The following PDCD11 variants were observed in gnomAD, a reference collection of about 807,000 sequenced individuals.
PDCD11 encodes the protein programmed cell death 11.
A neutral mutation model predicts 198.9 loss-of-function variants in PDCD11; 97 were observed. The ratio of observed to expected loss-of-function variants is 0.49; its 90% CI spans 0.41 to 0.58. The LOEUF is 0.58. Among genes scored for constraint, PDCD11 ranks in the 20% least tolerant of loss-of-function variants. The pLI is 0.00. For synonymous variants in PDCD11, 893 were observed against 918.0 expected (o/e 0.97, Z 0.49); for missense variants, 2,102 against 2,312.7 (o/e 0.91, Z 1.87).
chr10:103,417,998 C>T (rs1346722878), intron 14 of PDCD11, 66 bp downstream of exon 14: 14 of 1,561,186 alleles, frequency 9.0e-6, no homozygotes, highest in East Asian at 2.2e-5. Context: ...ACCACTAACA[C>T]ATGGCATATT....
In PDCD11 at chr10:103,415,016, A is replaced by G; in HGVS notation, c.1383A>G (p.Leu461=). Residue 461 remains leucine (L), a synonymous_variant, in exon 12 of 36, where the codon CTA becomes CTG. Coordinates refer to ENST00000369797, the MANE Select transcript of PDCD11 (RefSeq NM_014976.2). ...TTTGGATTCTCTAGGGCACAGTGCT[A>G]ACCATAAAGTCATATGGGATGCTGG... ...EPGAVVKGTV[L]TIKSYGMLVK... 1 of 1,614,130 alleles carries G rather than the reference A, an allele frequency of 6.2e-7. No homozygotes were observed. Among genetic ancestry groups the G allele is most frequent in the East Asian group, 2.2e-5 (1 of 44,886 alleles).
intron 25 of PDCD11, among the ~76,000 whole-genome samples, chr10:103,437,447 A>G (rs2032197543): frequency 6.6e-6 from 1 of 152,104 alleles, no homozygotes; most frequent in Non-Finnish European, 1.5e-5. Flanking sequence ...CCTGGCCCCA[A>G]CACCCTTGTT....
intron 7 of PDCD11, among the ~76,000 whole-genome samples, chr10:103,408,175 T>G (rs2030575894): frequency 6.6e-6 from 1 of 152,202 alleles, no homozygotes; most frequent in Admixed American, 6.5e-5. Context: ...TTAAGTAAAC[T>G]ACTAGTTTCT....
At chr10:103,441,526 G>T (rs1374436308) in intron 30 of PDCD11, among the ~76,000 whole-genome samples, 1 of 152,136 alleles carries the variant, frequency 6.6e-6, no homozygotes, top group African/African-American at 2.4e-5. Flanking sequence ...AAGTGTTGGG[G>T]TTACAGGTGT....
chr10:103,423,107 G>C lies in PDCD11; in HGVS notation c.2617G>C (p.Val873Leu), dbSNP rs774012127. ...VFSGGPVPDL[V>L]LKASRYHRAG... ...CAGTGGGGGTCCAGTGCCCGACCTG[G>C]TCCTGAAAGCCAGCAGATACCATCG... Residue 873 changes from valine to leucine, a missense_variant, in exon 18 of 36, where the codon GTC (valine) becomes CTC (leucine). Coordinates refer to ENST00000369797, the MANE Select transcript of PDCD11 (RefSeq NM_014976.2). 1.9e-6 allele frequency: 3 copies of C among 1,593,944 alleles called. No individual in the cohort carries two copies. Among genetic ancestry groups the C allele is most frequent in the Non-Finnish European group, 2.6e-6 (3 of 1,170,818 alleles).
At chr10:103,413,888 C>T in intron 9 of PDCD11, 78 bp from the exon 10 acceptor site, 1 of 1,379,182 alleles carries the variant, frequency 7.3e-7, no homozygotes, top group Non-Finnish European at 9.8e-7. Context: ...AGTGTTGAGT[C>T]CTCTCTATGG....
At chr10:103,417,657 T>C in intron 13 of PDCD11, 135 bp from the exon 14 acceptor site, 1 of 909,246 alleles carries the variant, frequency 1.1e-6, no homozygotes, top group Non-Finnish European at 1.7e-6. Flanking sequence ...GCATTTCTTC[T>C]TTTCACTGCC....
At chr10:103,424,839 A>G in intron 19 of PDCD11, 145 bp from the exon 20 acceptor site, 1 of 766,176 alleles carries the variant, frequency 1.3e-6, no homozygotes, top group Non-Finnish European at 2.1e-6. Context: ...AGTGAAGGCT[A>G]GTCTGTTCCA....
At chr10:103,419,916 A>G (rs1162860875) in intron 16 of PDCD11, among the ~76,000 whole-genome samples, 1 of 148,826 alleles carries the variant, frequency 6.7e-6, no homozygotes, top group Admixed American at 6.7e-5. Flanking sequence ...CTGCCTTCCA[A>G]GTAGCTGGGA....
intron 26 of PDCD11, 23 bp downstream of exon 26, chr10:103,438,094 AAAG>A: frequency 3.1e-6 from 5 of 1,609,400 alleles, no homozygotes; most frequent in Non-Finnish European, 3.4e-6. Flanking sequence ...GTTGTTGGAA[AAAG>A]AAAGGAGGAA....
At chr10:103,416,466 A>G in intron 12 of PDCD11, 25 bp from the exon 13 acceptor site, 17 of 1,611,918 alleles carry the variant, frequency 1.1e-5, no homozygotes, top group Non-Finnish European at 1.4e-5. Context: ...AGATAACTTG[A>G]TGACAGCCTG....
intron 22 of PDCD11, 30 bp downstream of exon 22, chr10:103,432,264 T>A (rs1437138708): frequency 7.1e-7 from 1 of 1,417,846 alleles, no homozygotes; most frequent in South Asian, 1.1e-5. Context: ...GGCAATGAGA[T>A]GTCATTCTTC....
intron 30 of PDCD11, among the ~76,000 whole-genome samples, chr10:103,441,406 C>T (rs1484734076): frequency 6.6e-6 from 1 of 152,128 alleles, no homozygotes; most frequent in Non-Finnish European, 1.5e-5. Flanking sequence ...TGCCGGTATG[C>T]ACCACCATGC....
At chr10:103,402,992 A>C in intron 3 of PDCD11, 126 bp from the exon 4 acceptor site, 1 of 885,398 alleles carries the variant, frequency 1.1e-6, no homozygotes, top group Non-Finnish European at 1.8e-6. Context: ...AAGTATTGGA[A>C]TTATAGGGCG....
At position 103,440,867 on chromosome 10, in the gene PDCD11, G is replaced by T. The variant is rs115545259; in HGVS notation, c.4557+17G>T. 2,743 of 1,565,470 alleles carry T rather than the reference G, an allele frequency of 1.8e-3. 38 individuals carry two copies. The African/African-American group carries it at 0.027, about 16-fold the overall frequency. On this transcript the variant is annotated intron_variant, in intron 30 of 35. Transcript: ENST00000369797. Reference sequence around the variant, plus strand: ...CTGCCCAAGGTGAGGGTGACGTCGCGGGGAGGGGAAGGCTGCTCCAGGCAA... The same window carrying T: ...CTGCCCAAGGTGAGGGTGACGTCGCTGGGAGGGGAAGGCTGCTCCAGGCAA...
chr10:103,400,221 C>T (rs377102105), intron 2 of PDCD11, among the ~76,000 whole-genome samples, 176 bp from the exon 3 acceptor site: 38 of 141,808 alleles, frequency 2.7e-4, no homozygotes, highest in African/African-American at 8.5e-4. Flanking sequence ...TTGGCGGCCC[C>T]CCCCCTTTTT....
Position 103,421,586 on chromosome 10 carries a change from AG to A in PDCD11, c.2497+23del. ...AACCGAGGTGGGGCACCTGTGGGGCAGGGGAGGTGGGCCAGGGGTGGGAGTA... is the reference window on the plus strand; with the variant it reads ...AACCGAGGTGGGGCACCTGTGGGGCAGGGAGGTGGGCCAGGGGTGGGAGTA... On this transcript the variant is annotated intron_variant, in intron 17 of 35. Transcript: ENST00000369797. The A allele has an allele frequency of 9.0e-7, 1 of 1,109,938 alleles. No homozygotes were observed. Among genetic ancestry groups the A allele is most frequent in the Non-Finnish European group, 1.3e-6 (1 of 789,198 alleles). The allele number at this position is 1,109,938 out of a possible 1,614,324, so 68.8% of individuals were successfully genotyped here.
intron 16 of PDCD11, among the ~76,000 whole-genome samples, 196 bp from the exon 17 acceptor site, chr10:103,421,152 G>A (rs917430843): frequency 5.9e-5 from 9 of 152,270 alleles, no homozygotes; most frequent in African/African-American, 1.9e-4. Context: ...GGGATTACAG[G>A]CGTGAGCCAC....
At chr10:103,433,259 C>T (rs2032009572) in intron 22 of PDCD11, among the ~76,000 whole-genome samples, 1 of 152,134 alleles carries the variant, frequency 6.6e-6, no homozygotes. Flanking sequence ...CTTTGGGAGG[C>T]CGAGGTGGGC....
Sources: allele counts gnomAD v4.1 joint callset (sites outside exome capture counted in the v4.1 genomes callset), GRCh38; gene constraint gnomAD v4.1.1; transcripts MANE v1.5; gene names NCBI Gene and HGNC (gene_info 2026-07-23, HGNC 2026-07-21).